COL24A1: variants seen among roughly 807,000 people sequenced by gnomAD.
The protein encoded by COL24A1 is collagen alpha-1(XXIV) chain.
In COL24A1, 224 loss-of-function variants were observed where a neutral mutation model predicts 253.9. The observed-to-expected ratio is 0.88, with a 90% CI of 0.79 to 0.99. The LOEUF is 0.99. Among genes scored for constraint, COL24A1 ranks in the 50% least tolerant of loss-of-function variants. The pLI, the probability that COL24A1 is intolerant of heterozygous loss-of-function variation, is 0.00. For missense variants in COL24A1, 2,131 were observed against 2,068.5 expected, an observed-to-expected ratio of 1.03 and a Z score of -0.59; for synonymous variants, 685 against 673.7, an observed-to-expected ratio of 1.02 and a Z score of -0.26.
chr1:86,081,402 T>A (rs1332455890), intron 7 of COL24A1, among the ~76,000 whole-genome samples: 1 of 152,158 alleles, frequency 6.6e-6, no homozygotes, highest in Non-Finnish European at 1.5e-5. Flanking sequence ...AAAGTTCACC[T>A]GCAATAAATT....
In COL24A1 at chr1:86,156,687, T is replaced by G; in HGVS notation, c.-291A>C. ...AGGAGGTAAACCTCACTGGGAGGCC[T>G]CGGGGCGCCGGCGGCAGCGGGAGCC... On this transcript the variant is annotated 5_prime_UTR_variant, in exon 1 of 60. Transcript: ENST00000370571. The G allele has an allele frequency of 1.1e-5, 3 of 278,018 alleles. No homozygotes were observed. Among genetic ancestry groups the G allele is most frequent in the Admixed American group, 1.1e-4 (2 of 18,570 alleles). The allele number at this position is 278,018 out of a possible 1,614,324, so 17.2% of individuals were successfully genotyped here. A position where few individuals can be genotyped will look rare whatever the true frequency, so the allele number is the denominator to read the frequency against.
At chr1:86,067,813 C>T (rs1479725684) in intron 7 of COL24A1, among the ~76,000 whole-genome samples, 1 of 152,148 alleles carries the variant, frequency 6.6e-6, no homozygotes, top group Admixed American at 6.5e-5. Flanking sequence ...CAAGCTTTGG[C>T]ATAGCTCCAA....
At chr1:85,875,353 A>G (rs1477980541) in intron 33 of COL24A1, 23 bp from the exon 34 acceptor site, 1 of 1,598,088 alleles carries the variant, frequency 6.3e-7, no homozygotes, top group South Asian at 1.1e-5. Context: ...AATTTAACAC[A>G]TTACAAAGGC....
chr1:85,882,512 T>C (rs1681979984), intron 32 of COL24A1, among the ~76,000 whole-genome samples: 1 of 152,070 alleles, frequency 6.6e-6, no homozygotes, highest in African/African-American at 2.4e-5. Flanking sequence ...AAAAATTTGT[T>C]AAGGTGTTTT....
intron 31 of COL24A1, among the ~76,000 whole-genome samples, chr1:85,893,377 A>C (rs565002819): frequency 8.5e-5 from 13 of 152,276 alleles, no homozygotes; most frequent in African/African-American, 3.1e-4. Flanking sequence ...AAAATACATA[A>C]AGAAAAATTA....
At chr1:85,831,950 T>G (rs1173303900) in intron 43 of COL24A1, among the ~76,000 whole-genome samples, 1 of 152,064 alleles carries the variant, frequency 6.6e-6, no homozygotes, top group Non-Finnish European at 1.5e-5. Flanking sequence ...ATTTGTCAAT[T>G]TTTGCTTTTG....
At position 85,847,610 on chromosome 1, in the gene COL24A1, T is replaced by A. The variant is rs575352598; in HGVS notation, c.3462+55A>T. 7.9e-4 allele frequency: 986 copies of A among 1,245,378 alleles called. 13 individuals are homozygous for A. In the South Asian group the frequency reaches 0.012, roughly 15 times the overall value. The allele number at this position is 1,245,378 out of a possible 1,614,324, so 77.1% of individuals were successfully genotyped here. ...AGGGATGAAACTTTAAGGGCATGGATACGTTTCTTTCCCATCCACAGTGAC... is the reference window on the plus strand; with the variant it reads ...AGGGATGAAACTTTAAGGGCATGGAAACGTTTCTTTCCCATCCACAGTGAC... On this transcript the variant is annotated intron_variant, in intron 39 of 59. Transcript: ENST00000370571.
At chr1:85,793,492 A>AGGGGAGAGAGAG (rs1361928110) in intron 47 of COL24A1, among the ~76,000 whole-genome samples, 1 of 152,032 alleles carries the variant, frequency 6.6e-6, no homozygotes, top group East Asian at 1.9e-4. Context: ...AAGGAAAGAG[A>AGGGGAGAGAGAG]GGGGAGAGAG....
intron 59 of COL24A1, among the ~76,000 whole-genome samples, chr1:85,731,171 T>C (rs1663435098): frequency 1.3e-5 from 2 of 152,172 alleles, no homozygotes; most frequent in Admixed American, 6.5e-5. Flanking sequence ...GCAATCATCT[T>C]TTAGGTCTCT....
At chr1:85,976,427 T>A (rs1692687303) in intron 20 of COL24A1, among the ~76,000 whole-genome samples, 1 of 152,020 alleles carries the variant, frequency 6.6e-6, no homozygotes, top group African/African-American at 2.4e-5. Context: ...CTCTGGAACA[T>A]AACCCCATTG....
chr1:85,871,818 G>A (rs1451831344), intron 35 of COL24A1, among the ~76,000 whole-genome samples: 3 of 152,096 alleles, frequency 2.0e-5, no homozygotes, highest in Non-Finnish European at 2.9e-5. Flanking sequence ...CACCACTCCT[G>A]TTCAACATGG....
At chr1:85,825,374 C>T (rs577742182) in intron 43 of COL24A1, among the ~76,000 whole-genome samples, 4 of 152,216 alleles carry the variant, frequency 2.6e-5, no homozygotes, top group East Asian at 3.9e-4. Flanking sequence ...AATAACGCCG[C>T]AATAAACGTA....
At chr1:85,880,724 GTTT>G (rs34218225) in intron 32 of COL24A1, among the ~76,000 whole-genome samples, 53 of 150,578 alleles carry the variant, frequency 3.5e-4, no homozygotes, top group African/African-American at 1.3e-3. Context: ...AAGTTTGAGA[GTTT>G]TTTTTTTATC....
intron 38 of COL24A1, among the ~76,000 whole-genome samples, chr1:85,848,024 GT>G (rs1558374896): frequency 2.0e-5 from 3 of 152,074 alleles, no homozygotes; most frequent in South Asian, 4.2e-4. Flanking sequence ...CCAAATAACC[GT>G]TTTTTACTTT....
At position 85,816,837 on chromosome 1, in the gene COL24A1, A is replaced by G. The variant is rs778457918; in HGVS notation, c.3902T>C (p.Ile1301Thr). The change falls in exon 47 of 60, where the codon ATT becomes ACT. Residue 1301 changes from isoleucine (I) to threonine (T), a missense_variant. Transcript: ENST00000370571. The part of the protein sequence containing the change: ...GIQGYHGADG[I>T]SGNPGKIGPP... ...CCCAATTTTTCCAGGGTTTCCTGAAATGCCATCTGCTCCATGGTATCCTTG... is the reference window on the plus strand; with the variant it reads ...CCCAATTTTTCCAGGGTTTCCTGAAGTGCCATCTGCTCCATGGTATCCTTG... The G allele has an allele frequency of 2.7e-5, 44 of 1,614,052 alleles. No individual in the cohort carries two copies. The highest frequency in any genetic ancestry group is 3.4e-5 in the Non-Finnish European group (40 of 1,179,914).
At chr1:85,867,183 G>A (rs1346159844) in intron 37 of COL24A1, among the ~76,000 whole-genome samples, 4 of 152,132 alleles carry the variant, frequency 2.6e-5, no homozygotes, top group East Asian at 1.9e-4. Context: ...TTGGGGCAGG[G>A]CCCATTCAAT....
chr1:86,070,314 A>G (rs1701786807), intron 7 of COL24A1, among the ~76,000 whole-genome samples: 3 of 152,316 alleles, frequency 2.0e-5, no homozygotes, highest in Admixed American at 6.5e-5. Flanking sequence ...ATAAAAAACA[A>G]TGAAGCACAC....
At chr1:86,149,333 T>C (rs1452999315) in intron 1 of COL24A1, among the ~76,000 whole-genome samples, 4 of 152,248 alleles carry the variant, frequency 2.6e-5, no homozygotes, top group Non-Finnish European at 5.9e-5. Flanking sequence ...TTGAGGACCA[T>C]CACGCAAGAT....
intron 7 of COL24A1, among the ~76,000 whole-genome samples, chr1:86,079,419 C>T (rs1485029992): frequency 6.6e-6 from 1 of 152,122 alleles, no homozygotes; most frequent in Non-Finnish European, 1.5e-5. Flanking sequence ...TAATACCTCA[C>T]AAGCACAGCC....
Sources: allele counts gnomAD v4.1 joint callset (sites outside exome capture counted in the v4.1 genomes callset), GRCh38; gene constraint gnomAD v4.1.1; transcripts MANE v1.5; gene names NCBI Gene and HGNC (gene_info 2026-07-23, HGNC 2026-07-21).